Variants in CFAP77 observed in about 807,000 individuals in gnomAD.
CFAP77 encodes the protein cilia and flagella associated protein 77, also known as cilia- and flagella-associated protein 77.
In CFAP77, 25 loss-of-function variants were observed where a neutral mutation model predicts 31.1. The observed-to-expected ratio is 0.80, with a 90% CI of 0.59 to 1.12. The LOEUF is 1.12. Ranked by LOEUF, CFAP77 falls within the 50% of genes most tolerant of loss-of-function variation. CFAP77 has a pLI of 0.00. For synonymous variants in CFAP77, 151 were observed against 159.9 expected (o/e 0.94, Z 0.42); for missense variants, 377 against 397.3 (o/e 0.95, Z 0.44).
At chr9:132,513,182 A>G (rs1852071283) in intron 3 of CFAP77, 14 of 1,403,028 alleles carry the variant, frequency 1.0e-5, no homozygotes, top group African/African-American at 1.4e-5. Context: ...TTATTTTTAA[A>G]TGTGCAATTA....
Position 132,433,734 on chromosome 9 carries a change from G to A in CFAP77, c.195+23268G>A, listed in dbSNP as rs202143985. On this transcript the variant is annotated intron_variant, in intron 1 of 5. Coordinates refer to ENST00000393216, the MANE Select transcript of CFAP77 (RefSeq NM_001282957.2). The stretch of plus-strand genomic sequence containing the variant: ...AGCTAATTTTTGTATTTTTAATAGA[G>A]ATGGGGTTTCACCATGTCGGCCAGG... 3.3e-5 allele frequency among the ~76,000 whole-genome samples: 5 copies of A among 152,114 alleles called. No individual in the cohort carries two copies. In the East Asian group the frequency reaches 9.7e-4, roughly 29 times the overall value.
chr9:132,413,397 C>CT (rs2131672474), intron 1 of CFAP77, among the ~76,000 whole-genome samples: 1 of 152,326 alleles, frequency 6.6e-6, no homozygotes. Flanking sequence ...GTGATTGAAT[C>CT]AAGTCGGTGT....
At chr9:132,553,499 T>C (rs1428663565) in intron 5 of CFAP77, among the ~76,000 whole-genome samples, 1 of 152,240 alleles carries the variant, frequency 6.6e-6, no homozygotes, top group Non-Finnish European at 1.5e-5. Context: ...ATTCAGTCCA[T>C]AGCAAGCTCT....
chr9:132,512,072 A>G (rs1377522812), intron 3 of CFAP77, among the ~76,000 whole-genome samples: 2 of 151,972 alleles, frequency 1.3e-5, no homozygotes, highest in Non-Finnish European at 2.9e-5. Context: ...AAAAAGTAAC[A>G]AAAATGGATC....
chr9:132,414,888 A>G (rs1850070184), intron 1 of CFAP77, among the ~76,000 whole-genome samples: 1 of 152,170 alleles, frequency 6.6e-6, no homozygotes, highest in Non-Finnish European at 1.5e-5. Context: ...AGGCAACCAC[A>G]CCATGCCCAC....
chr9:132,532,830 C>T (rs1852478539), intron 3 of CFAP77, among the ~76,000 whole-genome samples: 1 of 152,178 alleles, frequency 6.6e-6, no homozygotes, highest in African/African-American at 2.4e-5. Context: ...AGGAGGATCA[C>T]TTGAACTCAG....
At chr9:132,472,489 G>A (rs1004671758) in intron 1 of CFAP77, among the ~76,000 whole-genome samples, 3 of 152,218 alleles carry the variant, frequency 2.0e-5, no homozygotes, top group African/African-American at 7.2e-5. Flanking sequence ...AGGTGCATTG[G>A]CTCACGCCTG....
In CFAP77 at chr9:132,511,838, G is replaced by A. The variant is rs541755; in HGVS notation, c.524+12238G>A. On this transcript the variant is annotated intron_variant, in intron 3 of 5. Coordinates refer to ENST00000393216, the MANE Select transcript of CFAP77 (RefSeq NM_001282957.2). This position sits in a 1 kb window ranked among gnomAD's most constrained non-coding sequence, Gnocchi z 5.8. ...TGGGAGGCTGAGGCGGGCGGATCAC[G>A]AGGTCAGGAGTTCGACACCAGCCTG... Among the ~76,000 whole-genome samples the A allele has an allele frequency of 0.013, 1,990 of 152,168 alleles. 44 individuals are homozygous for A. The highest frequency in any genetic ancestry group is 0.045 in the African/African-American group (1,879 of 41,516).
intron 1 of CFAP77, among the ~76,000 whole-genome samples, chr9:132,426,478 A>T (rs951971761): frequency 8.7e-5 from 6 of 68,874 alleles, no homozygotes; most frequent in Non-Finnish European, 9.7e-5. Flanking sequence ...CACATTCCCC[A>T]CCCCCCCTCC....
intron 1 of CFAP77, among the ~76,000 whole-genome samples, chr9:132,458,278 G>A (rs1056421189): frequency 1.4e-5 from 2 of 148,042 alleles, no homozygotes; most frequent in Non-Finnish European, 3.0e-5. Context: ...TGCAGCTTAC[G>A]GTCGCAGCGA....
rs536372708 is a variant in CFAP77, at chr9:132,564,568, T to G, written c.733-7820T>G. On this transcript the variant is annotated intron_variant, in intron 5 of 5. Coordinates refer to ENST00000393216, the MANE Select transcript of CFAP77 (RefSeq NM_001282957.2). The surrounding 1 kb of genome is among the most constrained non-coding windows in gnomAD (Gnocchi z 4.6). Reference sequence around the variant, plus strand: ...GAGCAAAAACAAATATACTCAAAACTTGTGAGATGAGCTAAAAGAGAATTT... The same window carrying G: ...GAGCAAAAACAAATATACTCAAAACGTGTGAGATGAGCTAAAAGAGAATTT... 2.0e-5 allele frequency among the ~76,000 whole-genome samples: 3 copies of G among 152,114 alleles called. No individual in the cohort carries two copies. The South Asian group carries it at 6.2e-4, about 32-fold the overall frequency.
Position 132,410,539 on chromosome 9 carries a change from C to G in CFAP77, c.195+73C>G. The stretch of plus-strand genomic sequence containing the variant: ...ACCTGCGCCGCCGGGGGTCCCCACC[C>G]GCAGCGCCCTGGCCCCGCGGCCCGG... On this transcript the variant is annotated intron_variant, in intron 1 of 5. Coordinates refer to ENST00000393216, the MANE Select transcript of CFAP77 (RefSeq NM_001282957.2). 4 of 1,333,664 alleles carry G rather than the reference C, an allele frequency of 3.0e-6. No individual in the cohort carries two copies. The South Asian group carries it at 4.4e-5, about 15-fold the overall frequency. The allele number at this position is 1,333,664 out of a possible 1,614,324, so 82.6% of individuals were successfully genotyped here.
At chr9:132,446,668 G>C (rs1390490157) in intron 1 of CFAP77, among the ~76,000 whole-genome samples, 2 of 150,416 alleles carry the variant, frequency 1.3e-5, no homozygotes, top group African/African-American at 4.9e-5. Context: ...GTGAACCCAG[G>C]AGGCGGAGCT....
intron 1 of CFAP77, among the ~76,000 whole-genome samples, chr9:132,486,195 C>T (rs1222306604): frequency 1.4e-5 from 2 of 143,524 alleles, no homozygotes; most frequent in Non-Finnish European, 3.0e-5. Context: ...CGGGTTCGTG[C>T]CGTTCTCCTG....
chr9:132,473,912 A>C (rs1208175461), intron 1 of CFAP77, among the ~76,000 whole-genome samples: 1 of 152,072 alleles, frequency 6.6e-6, no homozygotes, highest in East Asian at 1.9e-4. Flanking sequence ...CAAACTCCTG[A>C]CTTCAGGTGA....
In CFAP77 at chr9:132,468,505, C is replaced by T. The variant is rs573202015; in HGVS notation, c.196-30190C>T. On this transcript the variant is annotated intron_variant, in intron 1 of 5. Transcript: ENST00000393216. The stretch of plus-strand genomic sequence containing the variant: ...GCCCCTGCCCTGGGCCCACCTCGTA[C>T]TCACCCAGCACTTCCTTACTCTCCA... Among the ~76,000 whole-genome samples, 72 of 152,316 alleles carry T rather than the reference C, an allele frequency of 4.7e-4. No individual in the cohort carries two copies. The South Asian group carries it at 0.014, about 31-fold the overall frequency.
At chr9:132,548,230 C>T (rs1284513470) in intron 5 of CFAP77, among the ~76,000 whole-genome samples, 1 of 113,522 alleles carries the variant, frequency 8.8e-6, no homozygotes, top group African/African-American at 3.5e-5. Flanking sequence ...TACAGACATT[C>T]GGCAGGAGGG....
intron 5 of CFAP77, among the ~76,000 whole-genome samples, chr9:132,561,166 C>T (rs1564253099): frequency 6.6e-6 from 1 of 152,164 alleles, no homozygotes; most frequent in Non-Finnish European, 1.5e-5. Context: ...CCGAACTTGA[C>T]AGGAATTACT....
chr9:132,484,842 A>C (rs1257330448), intron 1 of CFAP77, among the ~76,000 whole-genome samples: 2 of 149,764 alleles, frequency 1.3e-5, no homozygotes, highest in African/African-American at 4.9e-5. Flanking sequence ...TTTCATCTTT[A>C]ACTTTCTTTC....
Sources: allele counts gnomAD v4.1 joint callset (sites outside exome capture counted in the v4.1 genomes callset), GRCh38; gene constraint gnomAD v4.1.1; non-coding constraint Gnocchi (gnomAD v3.1); transcripts MANE v1.5; gene names NCBI Gene and HGNC (gene_info 2026-07-23, HGNC 2026-07-21).